ZFHX3: variants seen among roughly 807,000 people sequenced by gnomAD.
ZFHX3 encodes the protein zinc finger homeobox protein 3.
Under a neutral mutation model 279.1 loss-of-function variants are expected in ZFHX3, and 42 were observed. The ratio of observed to expected loss-of-function variants is 0.15; its 90% CI spans 0.12 to 0.19. The LOEUF is 0.19. ZFHX3 is among the 10% of genes least tolerant of loss of function. The probability of loss-of-function intolerance (pLI) is 1.00; values close to 1 mark genes in which losing one functional copy is unlikely to be tolerated. For synonymous variants in ZFHX3, 2,293 were observed against 1,957.8 expected (o/e 1.17, Z -4.52); for missense variants, 4,981 against 4,754.0 (o/e 1.05, Z -1.40).
Position 73,388,596 on chromosome 16 carries a change from A to G in ZFHX3, c.-1291+67407T>C, listed in dbSNP as rs79271555. Among the ~76,000 whole-genome samples the G allele has an allele frequency of 4.7e-3, 722 of 152,312 alleles. 4 individuals are homozygous for G. Among genetic ancestry groups the G allele is most frequent in the African/African-American group, 0.015 (612 of 41,576 alleles). ...AGGGCTATCCCTAAGCCAACCTGCCAGGCAGGCAGGCAAGTTTCTGCCCTC... is the reference window on the plus strand; with the variant it reads ...AGGGCTATCCCTAAGCCAACCTGCCGGGCAGGCAGGCAAGTTTCTGCCCTC... On this transcript the variant is annotated intron_variant, in intron 3 of 17. Transcript: ENST00000641206.
chr16:73,542,182 C>A (rs987192420), intron 2 of ZFHX3, among the ~76,000 whole-genome samples: 1 of 151,876 alleles, frequency 6.6e-6, no homozygotes, highest in African/African-American at 2.4e-5. Context: ...ATGCAGAAAG[C>A]GTTTTTCTCC....
chr16:73,774,875 C>G (rs1250833813), intron 1 of ZFHX3, among the ~76,000 whole-genome samples: 2 of 152,102 alleles, frequency 1.3e-5, no homozygotes, highest in Non-Finnish European at 2.9e-5. Flanking sequence ...ATGAATTGCT[C>G]CTAATCACAT....
chr16:73,376,393 C>T (rs2016723885), intron 3 of ZFHX3, among the ~76,000 whole-genome samples: 1 of 152,238 alleles, frequency 6.6e-6, no homozygotes, highest in South Asian at 2.1e-4. Context: ...TTTTCTCTCT[C>T]TGACCTTCAC....
intron 1 of ZFHX3, among the ~76,000 whole-genome samples, chr16:72,992,493 T>C (rs964988208): frequency 2.6e-5 from 4 of 152,072 alleles, no homozygotes; most frequent in African/African-American, 7.2e-5. Flanking sequence ...CAAGTAGTAA[T>C]TGCAGCTTCT....
intron 3 of ZFHX3, among the ~76,000 whole-genome samples, chr16:73,378,515 T>G (rs11862644): frequency 0.034 from 5,179 of 152,220 alleles, 283 homozygotes; most frequent in African/African-American, 0.12. Flanking sequence ...TTCTAAGAAA[T>G]TCTAAAGGTT....
chr16:72,919,995 A>G (rs1164076033), intron 3 of ZFHX3, among the ~76,000 whole-genome samples: 1 of 151,366 alleles, frequency 6.6e-6, no homozygotes, highest in East Asian at 2.0e-4. Context: ...GGGTTTCACT[A>G]TGTTGACCAG....
intron 3 of ZFHX3, among the ~76,000 whole-genome samples, chr16:73,414,497 C>T (rs576044442): frequency 5.3e-5 from 8 of 152,294 alleles, no homozygotes; most frequent in Admixed American, 1.3e-4. Flanking sequence ...TGTGATTCTC[C>T]AACTTATATT....
rs368972159 is a variant in ZFHX3 at position 73,532,926 on chromosome 16, G to A, written c.-1546-76668C>T. On this transcript the variant is annotated intron_variant, in intron 2 of 17. Coordinates refer to the ZFHX3 transcript ENST00000641206. ...CTCTCTCCTGCCACCCTGTAAAGGG[G>A]GGGCCTTCTGCCATGATTTTAAGTT... is the stretch of plus-strand genomic sequence containing the variant. Among the ~76,000 whole-genome samples the A allele has an allele frequency of 5.3e-4, 80 of 152,244 alleles. 1 individual carries two copies. In the South Asian group the frequency reaches 0.016, roughly 30 times the overall value.
chr16:73,210,099 T>G (rs2011957783), intron 5 of ZFHX3, among the ~76,000 whole-genome samples: 1 of 152,204 alleles, frequency 6.6e-6, no homozygotes, highest in African/African-American at 2.4e-5. Context: ...CTGGCTATGT[T>G]TGCATGCTGA....
At chr16:73,114,342 T>C (rs533770576) in intron 7 of ZFHX3, among the ~76,000 whole-genome samples, 3 of 152,332 alleles carry the variant, frequency 2.0e-5, no homozygotes, top group African/African-American at 7.2e-5. Context: ...AGTTACCTTT[T>C]TAATATTCTT....
At chr16:73,092,463 G>A (rs1469497160) in intron 8 of ZFHX3, 1 of 154,488 alleles carries the variant, frequency 6.5e-6, no homozygotes, top group Non-Finnish European at 1.4e-5. Context: ...GTGACCTCGT[G>A]AGACAACTGT....
intron 5 of ZFHX3, among the ~76,000 whole-genome samples, chr16:72,827,217 T>G (rs2036954351): frequency 6.6e-6 from 1 of 152,202 alleles, no homozygotes; most frequent in African/African-American, 2.4e-5. Flanking sequence ...ACATGCTGCC[T>G]TGCAACAGAG....
intron 1 of ZFHX3, among the ~76,000 whole-genome samples, chr16:73,703,579 AC>A (rs1377029596): frequency 6.6e-6 from 1 of 152,098 alleles, no homozygotes; most frequent in Non-Finnish European, 1.5e-5. Flanking sequence ...GAGTCATGAA[AC>A]GGTACCCATA....
At chr16:73,478,748 T>C (rs1004373357) in intron 2 of ZFHX3, among the ~76,000 whole-genome samples, 1 of 152,062 alleles carries the variant, frequency 6.6e-6, no homozygotes, top group African/African-American at 2.4e-5. Context: ...CACAGACCAC[T>C]CCCCAGATAA....
At chr16:73,285,641 C>T (rs957762002) in intron 4 of ZFHX3, among the ~76,000 whole-genome samples, 15 of 152,294 alleles carry the variant, frequency 9.8e-5, no homozygotes, top group African/African-American at 2.6e-4. Context: ...TATGAAGCCT[C>T]GGCTGGTCAT....
Position 72,795,007 on chromosome 16 carries a change from G to C in ZFHX3, c.7675C>G (p.Gln2559Glu). Residue 2559 changes from glutamine to glutamate, a missense_variant, in exon 9 of 10, where the codon CAG becomes GAG. Physicochemically the swap from Gln to Glu is conservative, Grantham distance 29. Coordinates refer to ENST00000268489, the MANE Select transcript of ZFHX3 (RefSeq NM_006885.4). ...TCCAAAAACTGGGGGTGGATGAACT[G>C]GTTCTGCGCGCTCAGGAAGTGGAGC... is the stretch of plus-strand genomic sequence containing the variant. ...QQLHFLSAQN[Q>E]FIHPQFLDRS... 1.2e-6 allele frequency: 2 copies of C among 1,614,212 alleles called. No individual in the cohort carries two copies. Among genetic ancestry groups the C allele is most frequent in the African/African-American group, 1.3e-5 (1 of 75,044 alleles).
rs192933388 is a variant in ZFHX3 at position 73,878,667 on chromosome 16, G to A, written c.-1608+12984C>T. On this transcript the variant is annotated intron_variant, in intron 1 of 17. Transcript: ENST00000641206. ...TAAGTCAAATCTTTTGAGAGTTACA[G>A]GTAACTAGCGAAAACAAGATTGTTA... 1.6e-4 allele frequency among the ~76,000 whole-genome samples: 24 copies of A among 151,184 alleles called. No homozygotes were observed. The East Asian group carries it at 4.5e-3, about 28-fold the overall frequency.
chr16:73,273,426 C>T (rs879595647), intron 4 of ZFHX3, among the ~76,000 whole-genome samples: 31 of 152,210 alleles, frequency 2.0e-4, no homozygotes, highest in Admixed American at 1.4e-3. Context: ...GTTCTGACTC[C>T]GCTCAGTAGG....
chr16:72,984,909 A>G (rs957303646), intron 1 of ZFHX3, among the ~76,000 whole-genome samples: 1 of 152,184 alleles, frequency 6.6e-6, no homozygotes, highest in African/African-American at 2.4e-5. Context: ...ATATGGATAT[A>G]TTTATATAAA....
Sources: allele counts gnomAD v4.1 joint callset (sites outside exome capture counted in the v4.1 genomes callset), GRCh38; gene constraint gnomAD v4.1.1; transcripts MANE v1.5; gene names NCBI Gene and HGNC (gene_info 2026-07-23, HGNC 2026-07-21).